Variants in SVIL observed in about 807,000 individuals in gnomAD.
SVIL encodes supervillin.
SVIL carries 101 observed loss-of-function variants against 240.4 expected under a neutral mutation model. That is an observed-to-expected ratio of 0.42 (90% CI 0.36 to 0.50). SVIL has a LOEUF of 0.50. Among genes scored for constraint, SVIL ranks in the 20% least tolerant of loss-of-function variants. The probability of loss-of-function intolerance (pLI) is 0.01; values close to 1 mark genes in which losing one functional copy is unlikely to be tolerated. For synonymous variants in SVIL, 999 were observed against 1,100.0 expected, an observed-to-expected ratio of 0.91 and a Z score of 1.82; for missense variants, 2,512 against 2,818.7, an observed-to-expected ratio of 0.89 and a Z score of 2.46.
Position 29,470,460 on chromosome 10 carries a change from G to C in SVIL, c.5659C>G (p.Arg1887Gly), listed in dbSNP as rs749173358. The C allele has an allele frequency of 1.2e-6, 2 of 1,613,900 alleles. No homozygotes were observed. Among genetic ancestry groups the C allele is most frequent in the Non-Finnish European group, 1.7e-6 (2 of 1,180,030 alleles). The change falls in exon 32 of 38, where the codon CGT (arginine) becomes GGT (glycine). Residue 1887 changes from arginine (R) to glycine (G), a missense_variant. By Grantham distance (125) the Arg-to-Gly change is moderately radical. Around this residue, in one of 3 missense-constraint regions of SVIL, gnomAD observed 797 missense variants for 925.3 expected, o/e 0.86. Coordinates refer to ENST00000355867, the MANE Select transcript of SVIL (RefSeq NM_021738.3). ...TTCCCTTCCACGGGCACCTCTCCAC[G>C]CACGCAGTACAGCCGCCACTCACCT... ...VQSEWRLYCVRGEVPVEGNLL... is the reference protein window; with the variant it reads ...VQSEWRLYCVGGEVPVEGNLL...
At chr10:29,525,746 G>A (rs903484535) in intron 13 of SVIL, among the ~76,000 whole-genome samples, 3 of 152,134 alleles carry the variant, frequency 2.0e-5, no homozygotes, top group East Asian at 3.9e-4. Context: ...GTCCCTGACC[G>A]ATCCAATTGT....
At chr10:29,482,440 T>C (rs1385748600) in intron 27 of SVIL, among the ~76,000 whole-genome samples, 4 of 152,194 alleles carry the variant, frequency 2.6e-5, no homozygotes, top group South Asian at 2.1e-4. Flanking sequence ...CACCTGCAGA[T>C]GCTTACCAAG....
intron 27 of SVIL, chr10:29,483,295 A>G (rs1484440654): frequency 3.9e-5 from 6 of 152,196 alleles, no homozygotes; most frequent in African/African-American, 1.2e-4. Flanking sequence ...CTGGGCCAGG[A>G]GCCAGGGGTT....
At chr10:29,656,860 T>C (rs187950774) in intron 3 of SVIL, among the ~76,000 whole-genome samples, 446 of 152,354 alleles carry the variant, frequency 2.9e-3, no homozygotes, top group Non-Finnish European at 4.6e-3. Flanking sequence ...GGACCCAGAT[T>C]GAACCCCTGG....
intron 6 of SVIL, among the ~76,000 whole-genome samples, chr10:29,542,181 T>C (rs1227647348): frequency 1.3e-5 from 2 of 152,172 alleles, no homozygotes; most frequent in Admixed American, 6.5e-5. Flanking sequence ...AGTTTGCAGA[T>C]TGGCTATTTC....
At chr10:29,528,109 G>T (rs1951067886) in intron 12 of SVIL, among the ~76,000 whole-genome samples, 1 of 152,098 alleles carries the variant, frequency 6.6e-6, no homozygotes, top group African/African-American at 2.4e-5. Context: ...CTTAAAATGG[G>T]ATTAATTTTT....
At chr10:29,464,693 C>T (rs1944681428) in intron 34 of SVIL, among the ~76,000 whole-genome samples, 2 of 152,200 alleles carry the variant, frequency 1.3e-5, no homozygotes, top group African/African-American at 4.8e-5. Flanking sequence ...CACACCCTCT[C>T]TTACTGGTGG....
At chr10:29,600,691 A>C (rs12250486) in intron 1 of SVIL, among the ~76,000 whole-genome samples, 8,432 of 152,306 alleles carry the variant, frequency 0.055, 365 homozygotes, top group African/African-American at 0.11. Context: ...TAGTCCCAGA[A>C]CATGAAATAT....
At chr10:29,620,062 A>G (rs967827084) in intron 1 of SVIL, among the ~76,000 whole-genome samples, 1 of 152,214 alleles carries the variant, frequency 6.6e-6, no homozygotes, top group African/African-American at 2.4e-5. Flanking sequence ...AATAATTTTT[A>G]AAGTTTTTTT....
chr10:29,652,189 T>C (rs923000776), intron 3 of SVIL, among the ~76,000 whole-genome samples: 1 of 152,264 alleles, frequency 6.6e-6, no homozygotes, highest in East Asian at 1.9e-4. Context: ...CACAGACCCA[T>C]AGCAGTCACT....
intron 22 of SVIL, among the ~76,000 whole-genome samples, chr10:29,489,813 G>A (rs1414595152): frequency 3.9e-5 from 6 of 152,132 alleles, no homozygotes; most frequent in Non-Finnish European, 8.8e-5. Context: ...CTCCTGAAGT[G>A]CTGGGATTAC....
At chr10:29,701,965 G>A (rs1455131809) in intron 1 of SVIL, among the ~76,000 whole-genome samples, 1 of 152,156 alleles carries the variant, frequency 6.6e-6, no homozygotes, top group African/African-American at 2.4e-5. Flanking sequence ...CCTGAGGTCA[G>A]GAGTTCGAGA....
intron 25 of SVIL, 22 bp from the exon 26 acceptor site, chr10:29,486,252 A>G (rs1947391114): frequency 6.2e-7 from 1 of 1,612,888 alleles, no homozygotes. Flanking sequence ...GAAGAACAGG[A>G]GAGCATCACA....
At chr10:29,599,063 T>C (rs986039528) in intron 1 of SVIL, among the ~76,000 whole-genome samples, 1 of 152,234 alleles carries the variant, frequency 6.6e-6, no homozygotes, top group Non-Finnish European at 1.5e-5. Flanking sequence ...CTTTTTTTAC[T>C]GATGCAAGGG....
intron 2 of SVIL, among the ~76,000 whole-genome samples, chr10:29,678,636 A>C (rs1960389310): frequency 6.6e-6 from 1 of 152,248 alleles, no homozygotes; most frequent in Non-Finnish European, 1.5e-5. Flanking sequence ...ATGTTGATTT[A>C]GCCAAGAGGC....
chr10:29,533,560 G>C, intron 7 of SVIL, 102 bp from the exon 8 acceptor site: 2 of 1,456,446 alleles, frequency 1.4e-6, no homozygotes, highest in Non-Finnish European at 1.8e-6. Flanking sequence ...AAACTGACCT[G>C]AGAGAGAATA....
At position 29,533,315 on chromosome 10, in the gene SVIL, C is replaced by G. The variant is rs762633032; in HGVS notation, c.1052G>C (p.Arg351Thr). 1 of 1,614,016 alleles carries G rather than the reference C, an allele frequency of 6.2e-7. No homozygotes were observed. Among genetic ancestry groups the G allele is most frequent in the Non-Finnish European group, 8.5e-7 (1 of 1,179,988 alleles). ...SFQSEHSAFDRVPSKAAGSTR... is the reference protein window; with the variant it reads ...SFQSEHSAFDTVPSKAAGSTR... ...AGAGCCTGCTGCCTTGCTGGGGACC[C>G]TATCAAAGGCTGAGTGCTCAGACTG... Residue 351 changes from arginine (R) to threonine (T), a missense_variant, in exon 8 of 38, where the codon AGG becomes ACG. By Grantham distance (71) the Arg-to-Thr change is moderately conservative. Transcript: ENST00000355867.
In SVIL at chr10:29,481,573, C is replaced by A. The variant is rs183254526; in HGVS notation, c.5100+11G>T. ...CAAGCCCCGAGTTTTGAGGCTTGGT[C>A]GCCGGAATACCTTGTGCTGGGCAAG... On this transcript the variant is annotated intron_variant, in intron 28 of 37. Transcript: ENST00000355867. 1.2e-6 allele frequency: 2 copies of A among 1,612,444 alleles called. No homozygotes were observed.
intron 1 of SVIL, among the ~76,000 whole-genome samples, chr10:29,615,294 C>G (rs1310851122): frequency 6.6e-6 from 1 of 152,138 alleles, no homozygotes; most frequent in Non-Finnish European, 1.5e-5. Context: ...GTTTCTTAGC[C>G]TTTTAAAATG....
Sources: allele counts gnomAD v4.1 joint callset (sites outside exome capture counted in the v4.1 genomes callset), GRCh38; gene constraint gnomAD v4.1.1; regional missense constraint gnomAD v4.1.1; transcripts MANE v1.5; gene names NCBI Gene and HGNC (gene_info 2026-07-23, HGNC 2026-07-21).